Variants in CTTNBP2 observed in about 807,000 individuals in gnomAD.
The protein encoded by CTTNBP2 is cortactin binding protein 2.
CTTNBP2 carries 108 observed loss-of-function variants against 156.9 expected under a neutral mutation model. The ratio of observed to expected loss-of-function variants is 0.69; its 90% confidence interval spans 0.59 to 0.81. CTTNBP2 has a LOEUF of 0.81. CTTNBP2 is among the 30% of genes least tolerant of loss of function. The pLI, the probability that CTTNBP2 is intolerant of heterozygous loss-of-function variation, is 0.00. For synonymous variants in CTTNBP2, 767 were observed against 751.8 expected (o/e 1.02, Z -0.33); for missense variants, 1,924 against 2,035.4 (o/e 0.95, Z 1.05).
At chr7:117,732,149 G>A (rs1468262) in intron 16 of CTTNBP2, among the ~76,000 whole-genome samples, 44,553 of 151,820 alleles carry the variant, frequency 0.29, 7,496 homozygotes, top group African/African-American at 0.44. Flanking sequence ...AAATGCTAAC[G>A]TCACCAAAAT....
chr7:117,859,366 A>T (rs1411467678), intron 2 of CTTNBP2, among the ~76,000 whole-genome samples: 1 of 152,226 alleles, frequency 6.6e-6, no homozygotes, highest in Non-Finnish European at 1.5e-5. Flanking sequence ...CAATTAAATT[A>T]AAAAGAGAAA....
At chr7:117,733,961 T>G (rs1178663245) in intron 16 of CTTNBP2, among the ~76,000 whole-genome samples, 2 of 152,232 alleles carry the variant, frequency 1.3e-5, no homozygotes, top group Non-Finnish European at 2.9e-5. Flanking sequence ...TCTGGAAAAG[T>G]GCTTTCCTCC....
intron 2 of CTTNBP2, among the ~76,000 whole-genome samples, chr7:117,857,907 A>G (rs2117228206): frequency 6.6e-6 from 1 of 152,362 alleles, no homozygotes; most frequent in South Asian, 2.1e-4. Flanking sequence ...CAAACAGATG[A>G]CATACTGTGA....
In CTTNBP2 at chr7:117,718,041, G is replaced by C. The variant is rs771479490; in HGVS notation, c.4723C>G (p.Leu1575Val). Residue 1575 changes from leucine (L) to valine (V), a missense_variant, in exon 22 of 23, where the codon CTG becomes GTG. By Grantham distance (32) the Leu-to-Val change is conservative. Coordinates refer to ENST00000160373, the MANE Select transcript of CTTNBP2 (RefSeq NM_033427.3). ...ACCTTTTGTGACACTGGCATTCTCA[G>C]ATTATTAATAGTTGCTGAAAGTACA... ...NPVLSATINN[L>V]RMPVSQKEVS... The C allele has an allele frequency of 2.5e-6, 4 of 1,610,498 alleles. No individual in the cohort carries two copies. The highest frequency in any genetic ancestry group is 3.4e-6 in the Non-Finnish European group (4 of 1,176,806).
At position 117,792,395 on chromosome 7, in the gene CTTNBP2, C is replaced by T. The variant is rs754937790; in HGVS notation, c.801G>A (p.Glu267=). 1.9e-6 allele frequency: 3 copies of T among 1,614,162 alleles called. No individual in the cohort carries two copies. The highest frequency in any genetic ancestry group is 1.7e-6 in the Non-Finnish European group (2 of 1,180,040). The change falls in exon 4 of 23, where the codon GAG becomes GAA. Residue 267 remains glutamate (E), a synonymous_variant. Coordinates refer to ENST00000160373, the MANE Select transcript of CTTNBP2 (RefSeq NM_033427.3). This position sits in a 1 kb window ranked among gnomAD's most constrained non-coding sequence, Gnocchi z 4.2. ...TGCTGTCACTTCCCCTTTTCAGTTG[C>T]TCAATCATTTTCCTCATCTTGTCTA... The part of the protein sequence containing the change: ...EEIDKMRKMI[E]QLKRGSDSKP...
intron 2 of CTTNBP2, among the ~76,000 whole-genome samples, chr7:117,856,621 T>C (rs920146905): frequency 1.3e-5 from 2 of 151,886 alleles, no homozygotes; most frequent in African/African-American, 4.8e-5. Context: ...GTCTAGATTA[T>C]ATAGTTACTT....
chr7:117,811,751 G>C (rs1800291638), intron 2 of CTTNBP2, among the ~76,000 whole-genome samples: 1 of 151,616 alleles, frequency 6.6e-6, no homozygotes, highest in Non-Finnish European at 1.5e-5. Context: ...GTTTTTTATA[G>C]CCAGAAGGAA....
At position 117,792,106 on chromosome 7, in the gene CTTNBP2, C is replaced by T; in HGVS notation, c.1090G>A (p.Asp364Asn). The change falls in exon 4 of 23, where the codon GAC (aspartate) becomes AAC (asparagine). Residue 364 changes from aspartate (D) to asparagine (N), a missense_variant. By Grantham distance (23) the Asp-to-Asn change is conservative (BLOSUM62 1). Coordinates refer to ENST00000160373, the MANE Select transcript of CTTNBP2 (RefSeq NM_033427.3). The surrounding 1 kb of genome is among the most constrained non-coding windows in gnomAD (Gnocchi z 4.2). ...GCGGGTACAGAAGCGCCAATCAAGTCACCATAGGAAGCCTGCCTGTCAATA... is the reference window on the plus strand; with the variant it reads ...GCGGGTACAGAAGCGCCAATCAAGTTACCATAGGAAGCCTGCCTGTCAATA... The part of the protein sequence containing the change: ...PGIDRQASYG[D>N]LIGASVPAFP... 1 of 1,614,138 alleles carries T rather than the reference C, an allele frequency of 6.2e-7. No homozygotes were observed. Among genetic ancestry groups the T allele is most frequent in the South Asian group, 1.1e-5 (1 of 91,064 alleles).
Position 117,792,316 on chromosome 7 carries a change from A to G in CTTNBP2, c.880T>C (p.Ser294Pro). The part of the protein sequence containing the change: ...KTKDRRLVSI[S>P]VGTEGTVTRS... ...GTCACAGTTCCTTCTGTTCCCACAG[A>G]TATGGAAACCAAACGCCTATCTTTT... is the stretch of plus-strand genomic sequence containing the variant. The change falls in exon 4 of 23, where the codon TCT (serine) becomes CCT (proline). Residue 294 changes from serine (S) to proline (P), a missense_variant. Ser to Pro is a moderately conservative substitution (Grantham distance 74). Coordinates refer to ENST00000160373, the MANE Select transcript of CTTNBP2 (RefSeq NM_033427.3). The surrounding 1 kb of genome is among the most constrained non-coding windows in gnomAD (Gnocchi z 4.2). 1 of 1,614,164 alleles carries G rather than the reference A, an allele frequency of 6.2e-7. No individual in the cohort carries two copies.
intron 2 of CTTNBP2, among the ~76,000 whole-genome samples, chr7:117,812,850 C>T (rs1477112): frequency 0.57 from 86,256 of 152,036 alleles, 24,582 homozygotes; most frequent in East Asian, 0.71. Flanking sequence ...AAAAGACCTA[C>T]AGTCACTTTG....
intron 2 of CTTNBP2, among the ~76,000 whole-genome samples, chr7:117,818,841 T>C (rs932448907): frequency 5.1e-4 from 78 of 152,304 alleles, no homozygotes; most frequent in African/African-American, 1.8e-3. Flanking sequence ...TCCCAAGGAA[T>C]AAAATTATGG....
intron 2 of CTTNBP2, among the ~76,000 whole-genome samples, chr7:117,835,182 T>C (rs2117099314): frequency 6.6e-6 from 1 of 152,332 alleles, no homozygotes. Flanking sequence ...TAAAAGTGTT[T>C]GCAGAAATAG....
chr7:117,801,985 C>T (rs1338857312), intron 3 of CTTNBP2, among the ~76,000 whole-genome samples: 3 of 151,116 alleles, frequency 2.0e-5, no homozygotes, highest in Non-Finnish European at 4.4e-5. Flanking sequence ...TATACATGTG[C>T]CATGCTGGTG....
chr7:117,731,239 C>T (rs1795381729), intron 16 of CTTNBP2, among the ~76,000 whole-genome samples: 1 of 152,036 alleles, frequency 6.6e-6, no homozygotes, highest in Non-Finnish European at 1.5e-5. Flanking sequence ...GCTATGAGTC[C>T]CTTCAAAGGT....
intron 4 of CTTNBP2, among the ~76,000 whole-genome samples, chr7:117,789,742 T>G (rs562741900): frequency 6.8e-6 from 1 of 146,392 alleles, no homozygotes; most frequent in African/African-American, 2.7e-5. Flanking sequence ...CTAAGCTCAA[T>G]ACCAAGCTGA....
rs146204974 is a variant in CTTNBP2, at chr7:117,848,028, A to G, written c.189+13181T>C. Among the ~76,000 whole-genome samples, 859 of 152,046 alleles carry G rather than the reference A, an allele frequency of 5.6e-3. 9 individuals carry two copies. The highest frequency in any genetic ancestry group is 0.02 in the African/African-American group (812 of 41,470). ...GAAACAGGGTTTCACCATGTTGGCC[A>G]GGATGGTCTAGATCTCTTGATCTCG... On this transcript the variant is annotated intron_variant, in intron 2 of 22. Transcript: ENST00000160373.
intron 2 of CTTNBP2, among the ~76,000 whole-genome samples, chr7:117,819,047 T>G (rs544644694): frequency 1.3e-5 from 2 of 152,262 alleles, no homozygotes; most frequent in African/African-American, 4.8e-5. Flanking sequence ...TCTCAAACCC[T>G]GAAATTCTAT....
At chr7:117,770,190 T>A (rs1797727999) in intron 8 of CTTNBP2, among the ~76,000 whole-genome samples, 2 of 152,230 alleles carry the variant, frequency 1.3e-5, no homozygotes, top group Admixed American at 6.5e-5. Context: ...TTACTTCAGA[T>A]TACAAACAGA....
Position 117,791,786 on chromosome 7 carries a change from C to A in CTTNBP2, c.1410G>T (p.Pro470=). ...GACTTGTAGGCGAGACATCTCTTGACGGAGGACTTTGGGTAGTATTTCCAT... is the reference window on the plus strand; with the variant it reads ...GACTTGTAGGCGAGACATCTCTTGAAGGAGGACTTTGGGTAGTATTTCCAT... ...DQNGNTTQSP[P]SRDVSPTSRD... Residue 470 remains proline (P), a synonymous_variant, in exon 4 of 23, where the codon CCG becomes CCT. Transcript: ENST00000160373. 1 of 1,614,144 alleles carries A rather than the reference C, an allele frequency of 6.2e-7. No homozygotes were observed. Among genetic ancestry groups the A allele is most frequent in the African/African-American group, 1.3e-5 (1 of 75,038 alleles).
Sources: gnomAD v4.1 joint callset for allele counts (sites outside exome capture counted in the v4.1 genomes callset) on GRCh38, gnomAD v4.1.1 for gene constraint, Gnocchi (gnomAD v3.1) non-coding constraint, MANE v1.5 for transcripts, NCBI Gene and HGNC (gene_info 2026-07-23, HGNC 2026-07-21) for gene names.